PTPN14: variants seen among roughly 807,000 people sequenced by gnomAD.
PTPN14 encodes tyrosine-protein phosphatase non-receptor type 14.
In PTPN14, 53 loss-of-function variants were observed where a neutral mutation model predicts 126.8. The ratio of observed to expected loss-of-function variants is 0.42; its 90% CI spans 0.34 to 0.53. The LOEUF (loss-of-function observed/expected upper bound fraction) is 0.53. Among genes scored for constraint, PTPN14 ranks in the 20% least tolerant of loss-of-function variants. PTPN14 has a pLI of 0.08. For missense variants in PTPN14, 1,257 were observed against 1,552.9 expected (o/e 0.81, Z 3.20); for synonymous variants, 630 against 599.3 (o/e 1.05, Z -0.75).
At chr1:214,495,908 G>T (rs1243452670) in intron 1 of PTPN14, among the ~76,000 whole-genome samples, 1 of 152,016 alleles carries the variant, frequency 6.6e-6, no homozygotes, top group Non-Finnish European at 1.5e-5. Flanking sequence ...TGGTCAGGCT[G>T]GTCTCGAACT....
chr1:214,532,430 C>A, intron 1 of PTPN14: 1 of 758,410 alleles, frequency 1.3e-6, no homozygotes. Flanking sequence ...AGAAGGAGAC[C>A]ATGCAAAGCC....
chr1:214,549,287 T>G (rs1257964553), intron 1 of PTPN14, among the ~76,000 whole-genome samples: 20 of 152,154 alleles, frequency 1.3e-4, no homozygotes. Context: ...GTAAGAAACT[T>G]TTCTAGGCAG....
chr1:214,449,222 G>A (rs1660217522), intron 3 of PTPN14, among the ~76,000 whole-genome samples: 1 of 151,732 alleles, frequency 6.6e-6, no homozygotes, highest in African/African-American at 2.4e-5. Context: ...TAGCCAGGAT[G>A]GTCTCGATCT....
At chr1:214,536,533 C>G (rs1655712936) in intron 1 of PTPN14, among the ~76,000 whole-genome samples, 1 of 151,778 alleles carries the variant, frequency 6.6e-6, no homozygotes, top group Non-Finnish European at 1.5e-5. Flanking sequence ...ACCTATAATC[C>G]CAGCACTTTG....
chr1:214,527,407 C>T (rs1655427864), intron 1 of PTPN14, among the ~76,000 whole-genome samples: 7 of 152,074 alleles, frequency 4.6e-5, no homozygotes, highest in Admixed American at 4.6e-4. Context: ...ATTCTTAACC[C>T]AAAAGGCCTA....
chr1:214,529,169 TAG>T (rs1655477098), intron 1 of PTPN14: 2 of 152,028 alleles, frequency 1.3e-5, no homozygotes, highest in Admixed American at 6.6e-5. Flanking sequence ...TTAAAAAATT[TAG>T]CTGTGTGTGG....
chr1:214,395,961 C>A (rs368985641), intron 8 of PTPN14, among the ~76,000 whole-genome samples: 1 of 152,000 alleles, frequency 6.6e-6, no homozygotes, highest in Non-Finnish European at 1.5e-5. Flanking sequence ...AGTCCCCTAC[C>A]GGTCACCACA....
intron 1 of PTPN14, among the ~76,000 whole-genome samples, chr1:214,540,061 A>G (rs1655799025): frequency 6.6e-6 from 1 of 152,172 alleles, no homozygotes; most frequent in African/African-American, 2.4e-5. Context: ...AAATCACATA[A>G]TTATATAATA....
intron 13 of PTPN14, among the ~76,000 whole-genome samples, chr1:214,378,444 G>A (rs1658395701): frequency 6.6e-6 from 1 of 152,188 alleles, no homozygotes; most frequent in Non-Finnish European, 1.5e-5. Context: ...AAAGATGACA[G>A]GACAAGGAAA....
At chr1:214,467,980 A>G (rs1289404798) in intron 1 of PTPN14, among the ~76,000 whole-genome samples, 1 of 152,212 alleles carries the variant, frequency 6.6e-6, no homozygotes, top group African/African-American at 2.4e-5. Flanking sequence ...GCTGTAGAAT[A>G]AAAGAGATTT....
chr1:214,470,129 A>AAAAAT (rs1660721831), intron 1 of PTPN14, among the ~76,000 whole-genome samples: 1 of 1,296 alleles, frequency 7.7e-4, no homozygotes, highest in Non-Finnish European at 1.6e-3. Flanking sequence ...CCTACAAAAT[A>AAAAAT]AAAAATAAAA....
intron 1 of PTPN14, among the ~76,000 whole-genome samples, chr1:214,505,167 T>G (rs1571629713): frequency 7.0e-6 from 1 of 142,150 alleles, no homozygotes; most frequent in Non-Finnish European, 1.5e-5. Flanking sequence ...AACCCAGCTG[T>G]GAATACCCGC....
intron 1 of PTPN14, chr1:214,482,784 C>G (rs1287255124): frequency 6.2e-6 from 10 of 1,601,040 alleles, no homozygotes; most frequent in Non-Finnish European, 8.5e-6. Flanking sequence ...TGGATTTTAC[C>G]TGGGAGTGGC....
rs546123045 is a variant in PTPN14, at chr1:214,415,653, TGA to T, written c.345-929_345-928del. Among the ~76,000 whole-genome samples, 510 of 152,326 alleles carry T rather than the reference TGA, an allele frequency of 3.3e-3. 2 individuals carry two copies. Among genetic ancestry groups the T allele is most frequent in the African/African-American group, 0.012 (480 of 41,580 alleles). On this transcript the variant is annotated intron_variant, in intron 3 of 18. Coordinates refer to ENST00000366956, the MANE Select transcript of PTPN14 (RefSeq NM_005401.5). ...TTTCCTGGAGAGAGGCAATCGGCGC[TGA>T]GAGCTAATTACTGCTGGCTCTACCA...
Position 214,351,460 on chromosome 1 carries a change from T to C in PTPN14, c.*6462A>G, listed in dbSNP as rs901661021. 3.9e-5 allele frequency: 6 copies of C among 152,050 alleles called. No homozygotes were observed. The highest frequency in any genetic ancestry group is 4.8e-5 in the African/African-American group (2 of 41,366). 9.4% of individuals were successfully genotyped at this position (152,050 alleles called of 1,614,324 possible). On this transcript the variant is annotated 3_prime_UTR_variant, in exon 19 of 19. Coordinates refer to ENST00000366956, the MANE Select transcript of PTPN14 (RefSeq NM_005401.5). ...GTACATCCCAGTTTTGTGGCCTGAA[T>C]AGAAACATGACTTGCTCTAAAGGGG...
intron 1 of PTPN14, among the ~76,000 whole-genome samples, chr1:214,543,171 A>C (rs1655883739): frequency 6.6e-6 from 1 of 152,214 alleles, no homozygotes; most frequent in Non-Finnish European, 1.5e-5. Flanking sequence ...ATGATACAAA[A>C]GACAATAATG....
At chr1:214,441,020 T>G (rs769415306) in intron 3 of PTPN14, among the ~76,000 whole-genome samples, 16 of 152,300 alleles carry the variant, frequency 1.1e-4, no homozygotes, top group Middle Eastern at 6.8e-3. Flanking sequence ...TTTATGGAAC[T>G]AAACTCCCTG....
At chr1:214,482,820 G>A in intron 1 of PTPN14, 1 of 1,608,316 alleles carries the variant, frequency 6.2e-7, no homozygotes, top group Non-Finnish European at 8.5e-7. Flanking sequence ...TTTAAAAGAG[G>A]ACAGGTTTGG....
chr1:214,407,004 G>C (rs959768793), intron 5 of PTPN14, among the ~76,000 whole-genome samples: 10 of 152,160 alleles, frequency 6.6e-5, no homozygotes, highest in Non-Finnish European at 1.2e-4. Flanking sequence ...TAAGGTTTGA[G>C]CCTCACTTCC....
Sources: gnomAD v4.1 joint callset for allele counts (sites outside exome capture counted in the v4.1 genomes callset) on GRCh38, gnomAD v4.1.1 for gene constraint, MANE v1.5 for transcripts, NCBI Gene and HGNC (gene_info 2026-07-23, HGNC 2026-07-21) for gene names.